Variants in ARL13A observed in about 807,000 individuals in gnomAD.
The protein encoded by ARL13A is ARF like GTPase 13A.
Under a neutral mutation model 19.1 loss-of-function variants are expected in ARL13A, and 16 were observed. The observed-to-expected ratio is 0.84, with a 90% CI of 0.57 to 1.27. ARL13A has a LOEUF of 1.27. ARL13A is among the 50% of genes most tolerant of loss of function. The probability of loss-of-function intolerance (pLI) is 0.00; values close to 1 mark genes in which losing one functional copy is unlikely to be tolerated. For missense variants in ARL13A, 153 were observed against 186.4 expected, an observed-to-expected ratio of 0.82 and a Z score of 1.04; for synonymous variants, 69 against 71.3, an observed-to-expected ratio of 0.97 and a Z score of 0.17.
chrX:100,970,463 A>T (rs1400872751), intron 1 of ARL13A, among the ~76,000 whole-genome samples: 3 of 112,493 alleles, frequency 2.7e-5, no homozygotes, highest in Non-Finnish European at 5.6e-5. Context: ...CAGATAGCTA[A>T]GCAAAGCCCA....
chrX:100,987,569 C>G lies in ARL13A; in HGVS notation c.653+13C>G, dbSNP rs755592625. ...GCTCATCACACAGGTACTGAGATGC[C>G]GCTATGAGATTTGCTGATAAGAAAA... On this transcript the variant is annotated intron_variant, in intron 6 of 7. Coordinates refer to ENST00000450049, the MANE Select transcript of ARL13A (RefSeq NM_001162491.2). The G allele has an allele frequency of 1.8e-5, 22 of 1,205,268 alleles. No individual in the cohort carries two copies. Among genetic ancestry groups the G allele is most frequent in the Non-Finnish European group, 2.5e-5 (22 of 892,788 alleles).
intron 3 of ARL13A, among the ~76,000 whole-genome samples, chrX:100,977,369 C>CTTTTTTTTTTTTTTTT (rs59915769): frequency 1.1e-4 from 6 of 56,470 alleles, no homozygotes; most frequent in African/African-American, 4.3e-4. Context: ...CTACTCTCTT[C>CTTTTTTTTTTTTTTTT]TTTTTTTTTT....
chrX:100,975,471 T>G (rs1020277503), intron 3 of ARL13A, among the ~76,000 whole-genome samples: 6 of 111,447 alleles, frequency 5.4e-5, no homozygotes, highest in Non-Finnish European at 1.1e-4. Context: ...ATCCCCTAAA[T>G]TGTGAGCCTC....
At chrX:100,975,415 G>A (rs1050731405) in intron 3 of ARL13A, among the ~76,000 whole-genome samples, 1 of 111,331 alleles carries the variant, frequency 9.0e-6, no homozygotes, top group Non-Finnish European at 1.9e-5. Flanking sequence ...TCCACGCATC[G>A]CTCTGGCATG....
At chrX:100,975,631 C>CTTTTTTTTTT in intron 3 of ARL13A, among the ~76,000 whole-genome samples, 1 of 97,932 alleles carries the variant, frequency 1.0e-5, no homozygotes, top group Non-Finnish European at 2.1e-5. Flanking sequence ...ATTTTCTTTG[C>CTTTTTTTTTT]TTTTTTTTTT....
At chrX:100,985,553 G>A (rs767504263) in intron 3 of ARL13A, 114 bp from the exon 4 acceptor site, 103 of 885,932 alleles carry the variant, frequency 1.2e-4, no homozygotes, top group Non-Finnish European at 1.6e-4. Flanking sequence ...CCTCTGCATA[G>A]TACTTCCCAG....
At chrX:100,975,735 C>T (rs988152237) in intron 3 of ARL13A, among the ~76,000 whole-genome samples, 2 of 108,774 alleles carry the variant, frequency 1.8e-5, no homozygotes, top group Admixed American at 2.0e-4. Context: ...CAGGTTCAAG[C>T]GATTCACATG....
chrX:100,973,782 A>T (rs767530063), intron 2 of ARL13A, 34 bp downstream of exon 2: 1 of 1,169,811 alleles, frequency 8.5e-7, no homozygotes, highest in Admixed American at 2.2e-5. Context: ...GGCCTATTCC[A>T]CTATTTCCTC....
In ARL13A at chrX:100,985,885, G is replaced by C. The variant is rs373334251; in HGVS notation, c.349G>C (p.Asp117His). ...GATCATCTTAACACATCTGCTGTCC[G>C]ATAAAAGAGTGGCAGGGAAACCCAT... is the stretch of plus-strand genomic sequence containing the variant. Reference protein sequence around the residue: ...VKIILTHLLSDKRVAGKPILI... With the variant: ...VKIILTHLLSHKRVAGKPILI... Residue 117 changes from aspartate (D) to histidine (H), a missense_variant, in exon 4 of 8, where the codon GAT becomes CAT. By Grantham distance (81) the Asp-to-His change is moderately conservative. Coordinates refer to ENST00000450049, the MANE Select transcript of ARL13A (RefSeq NM_001162491.2). 8.3e-7 allele frequency: 1 copy of C among 1,207,812 alleles called. No homozygotes were observed. Among genetic ancestry groups the C allele is most frequent in the Non-Finnish European group, 1.1e-6 (1 of 893,841 alleles).
Position 100,987,296 on chromosome X carries a change from T to C in ARL13A, c.487-94T>C, listed in dbSNP as rs189102729. 632 of 901,029 alleles carry C rather than the reference T, an allele frequency of 7.0e-4. 6 individuals are homozygous for C. The Admixed American group carries it at 0.018, about 26-fold the overall frequency. The allele number at this position is 901,029 out of a possible 1,213,427, so 74.3% of individuals were successfully genotyped here. A position where few individuals can be genotyped will look rare whatever the true frequency, so the allele number is the denominator to read the frequency against. On this transcript the variant is annotated intron_variant, in intron 5 of 7. Transcript: ENST00000450049. ...CTCTCTAGGCATAGCAGAGTTTATG[T>C]GTTCCTTCACTCTTTGAATGAGAGT...
chrX:100,973,740 G>A lies in ARL13A; in HGVS notation c.51G>A (p.Glu17=). 8.3e-7 allele frequency: 1 copy of A among 1,210,647 alleles called. No individual in the cohort carries two copies. The highest frequency in any genetic ancestry group is 1.8e-5 in the South Asian group (1 of 56,916). The change falls in exon 2 of 8, where the codon GAG becomes GAA. Residue 17 remains glutamate, a synonymous_variant. Transcript: ENST00000450049. ...GCTCTTGCCTAAGGACAACAGAAGA[G>A]ACACGAAGGTAATATTACAATTATT... ...SCCSCLRTTE[E]TRRNVTIPII... is the part of the protein sequence containing the mutation.
chrX:100,975,910 A>G (rs897626456), intron 3 of ARL13A, among the ~76,000 whole-genome samples: 1 of 110,829 alleles, frequency 9.0e-6, no homozygotes, highest in Non-Finnish European at 1.9e-5. Flanking sequence ...CTGGAATTAC[A>G]GGTGTGAGCC....
rs1483191015 is a variant in ARL13A at position 100,988,228 on chromosome X, G to C, written c.689G>C (p.Arg230Thr). ...STRTGMSKEKRQHLEQCSIEA... is the reference protein window; with the variant it reads ...STRTGMSKEKTQHLEQCSIEA... ...AGAACAGGAATGTCAAAGGAGAAAA[G>C]ACAGCATCTAGAACAATGCTCAATC... Residue 230 changes from arginine (R) to threonine (T), a missense_variant, in exon 7 of 8, where the codon AGA (arginine) becomes ACA (threonine). Coordinates refer to ENST00000450049, the MANE Select transcript of ARL13A (RefSeq NM_001162491.2). The C allele has an allele frequency of 8.3e-7, 1 of 1,207,142 alleles. No homozygotes were observed. Among genetic ancestry groups the C allele is most frequent in the Non-Finnish European group, 1.1e-6 (1 of 894,000 alleles).
At position 100,987,382 on chromosome X, in the gene ARL13A, T is replaced by G; in HGVS notation, c.487-8T>G. 1 of 1,208,807 alleles carries G rather than the reference T, an allele frequency of 8.3e-7. No homozygotes were observed. The highest frequency in any genetic ancestry group is 1.1e-6 in the Non-Finnish European group (1 of 894,866). On this transcript the variant is annotated splice_polypyrimidine_tract_variant and splice_region_variant and intron_variant, in intron 5 of 7. Transcript: ENST00000450049. ...AGGTCTGCAGCCTTCTCTTCTCTTT[T>G]GTCACAGGAGCCATGTTCAGCCATC...
chrX:100,981,556 C>T (rs1398873770), intron 3 of ARL13A, among the ~76,000 whole-genome samples: 7 of 107,294 alleles, frequency 6.5e-5, no homozygotes, highest in African/African-American at 2.4e-4. Context: ...GCAATCCCAG[C>T]ACTTTGAGAG....
Position 100,974,162 on chromosome X carries a change from C to G in ARL13A, c.95C>G (p.Ser32Cys). The G allele has an allele frequency of 8.4e-7, 1 of 1,192,607 alleles. No homozygotes were observed. Among genetic ancestry groups the G allele is most frequent in the Non-Finnish European group, 1.1e-6 (1 of 885,418 alleles). ...VTIPIIGLNN[S>C]GKTVLVEAFQ... Reference sequence around the variant, plus strand: ...ATCCCTATCATTGGCTTGAACAACTCTGGCAAAACTGTTCTTGTGGAGGCA... The same window carrying G: ...ATCCCTATCATTGGCTTGAACAACTGTGGCAAAACTGTTCTTGTGGAGGCA... Residue 32 changes from serine (S) to cysteine (C), a missense_variant, in exon 3 of 8, where the codon TCT (serine) becomes TGT (cysteine). By Grantham distance (112) the Ser-to-Cys change is moderately radical. Coordinates refer to ENST00000450049, the MANE Select transcript of ARL13A (RefSeq NM_001162491.2).
chrX:100,974,665 TAG>T (rs1182164100), intron 3 of ARL13A, among the ~76,000 whole-genome samples: 2 of 111,641 alleles, frequency 1.8e-5, no homozygotes, highest in East Asian at 2.8e-4. Flanking sequence ...ACAGCTAATA[TAG>T]AGAGTTGGAG....
chrX:100,976,903 G>A lies in ARL13A; in HGVS notation c.130+2706G>A, dbSNP rs997508353. Among the ~76,000 whole-genome samples, 3 of 112,703 alleles carry A rather than the reference G, an allele frequency of 2.7e-5. No individual in the cohort carries two copies. The South Asian group carries it at 1.1e-3, about 41-fold the overall frequency. ...TTAAGCCACTGCACCCAGCTGCTGC[G>A]AATGTTTTTTGCCAAGAACAGATAA... is the stretch of plus-strand genomic sequence containing the variant. On this transcript the variant is annotated intron_variant, in intron 3 of 7. Coordinates refer to ENST00000450049, the MANE Select transcript of ARL13A (RefSeq NM_001162491.2).
Position 100,973,730 on chromosome X carries a change from C to G in ARL13A, c.41C>G (p.Thr14Arg), listed in dbSNP as rs372826696. 1 of 1,209,427 alleles carries G rather than the reference C, an allele frequency of 8.3e-7. No homozygotes were observed. Among genetic ancestry groups the G allele is most frequent in the African/African-American group, 1.7e-5 (1 of 57,281 alleles). ...LLSSCCSCLR[T>R]TEETRRNVTI... Reference sequence around the variant, plus strand: ...TCCTCCTGCTGCTCTTGCCTAAGGACAACAGAAGAGACACGAAGGTAATAT... The same window carrying G: ...TCCTCCTGCTGCTCTTGCCTAAGGAGAACAGAAGAGACACGAAGGTAATAT... Residue 14 changes from threonine (T) to arginine (R), a missense_variant, in exon 2 of 8, where the codon ACA becomes AGA. Thr to Arg is a moderately conservative substitution (Grantham distance 71). Coordinates refer to ENST00000450049, the MANE Select transcript of ARL13A (RefSeq NM_001162491.2).
Sources: gnomAD v4.1 joint callset for allele counts (sites outside exome capture counted in the v4.1 genomes callset) on GRCh38, gnomAD v4.1.1 for gene constraint, MANE v1.5 for transcripts, NCBI Gene and HGNC (gene_info 2026-07-23, HGNC 2026-07-21) for gene names.